Variants in MYO16 observed in about 807,000 individuals in gnomAD.
MYO16 encodes the protein myosin XVI, also known as unconventional myosin-XVI.
A neutral mutation model predicts 205.3 loss-of-function variants in MYO16; 94 were observed. That is an observed-to-expected ratio of 0.46 (90% CI 0.39 to 0.54). The LOEUF (loss-of-function observed/expected upper bound fraction) is 0.54, where lower values mean the gene tolerates loss of function less well. Among genes scored for constraint, MYO16 ranks in the 20% least tolerant of loss-of-function variants. The pLI, the probability that MYO16 is intolerant of heterozygous loss-of-function variation, is 0.00. For missense variants in MYO16, 2,315 were observed against 2,387.5 expected (o/e 0.97, Z 0.63); for synonymous variants, 988 against 954.0 (o/e 1.04, Z -0.66).
intron 16 of MYO16, among the ~76,000 whole-genome samples, chr13:108,933,031 G>C (rs1472086372): frequency 1.3e-5 from 2 of 152,092 alleles, no homozygotes; most frequent in African/African-American, 2.4e-5. Flanking sequence ...ACAGAGAAAG[G>C]CATCAGGGGG....
intron 28 of MYO16, among the ~76,000 whole-genome samples, chr13:109,103,011 A>G (rs1413133241): frequency 6.6e-6 from 1 of 152,184 alleles, no homozygotes; most frequent in Non-Finnish European, 1.5e-5. Flanking sequence ...CAGAAAAGAC[A>G]GTATTTCTTC....
the MYO16 span, among the ~76,000 whole-genome samples, chr13:108,577,819 T>A: frequency 6.6e-6 from 1 of 152,216 alleles, no homozygotes; most frequent in Non-Finnish European, 1.5e-5. Flanking sequence ...AAGAAAACTA[T>A]GTATCCATAT....
chr13:108,831,513 A>G (rs1876620494), intron 9 of MYO16, among the ~76,000 whole-genome samples: 1 of 152,046 alleles, frequency 6.6e-6, no homozygotes, highest in African/African-American at 2.4e-5. Context: ...AAAAAATGAA[A>G]GTTACTTTCT....
intron 11 of MYO16, 99 bp downstream of exon 11, chr13:108,855,652 G>A: frequency 1.3e-6 from 1 of 784,460 alleles, no homozygotes; most frequent in East Asian, 2.7e-5. Flanking sequence ...GGGCTCATTG[G>A]AGCTTCTGGT....
chr13:108,604,383 C>T (rs1878875292), intron 1 of MYO16, among the ~76,000 whole-genome samples: 1 of 152,014 alleles, frequency 6.6e-6, no homozygotes, highest in Non-Finnish European at 1.5e-5. Flanking sequence ...GACTAAAATA[C>T]TGAATGTAGT....
chr13:108,555,881 C>A, the MYO16 span, among the ~76,000 whole-genome samples: 1 of 152,204 alleles, frequency 6.6e-6, no homozygotes, highest in South Asian at 2.1e-4. Flanking sequence ...ATTTCACTTA[C>A]CATAATGTGG....
intron 1 of MYO16, among the ~76,000 whole-genome samples, chr13:108,640,571 A>G (rs1880461125): frequency 1.3e-5 from 2 of 152,210 alleles, no homozygotes; most frequent in Admixed American, 1.3e-4. Context: ...AGTAGGTCAC[A>G]TGTGCTGATA....
chr13:108,586,561 G>C, the MYO16 span, among the ~76,000 whole-genome samples: 1 of 152,188 alleles, frequency 6.6e-6, no homozygotes, highest in African/African-American at 2.4e-5. Flanking sequence ...GCAGGTCACT[G>C]CAGGGCAGAT....
Position 109,019,704 on chromosome 13 carries a change from C to A in MYO16, c.2596-7C>A, listed in dbSNP as rs745382812. 2 of 1,609,522 alleles carry A rather than the reference C, an allele frequency of 1.2e-6. No individual in the cohort carries two copies. The highest frequency in any genetic ancestry group is 3.3e-5 in the Admixed American group (2 of 59,816). Reference sequence around the variant, plus strand: ...AAAACAACTCCCCATCTCTTCTTAACTCTCAGAAGCCATCTGGATTTCTCA... The same window carrying A: ...AAAACAACTCCCCATCTCTTCTTAAATCTCAGAAGCCATCTGGATTTCTCA... On this transcript the variant is annotated splice_region_variant and splice_polypyrimidine_tract_variant and intron_variant, in intron 22 of 34. Transcript: ENST00000457511.
intron 4 of MYO16, among the ~76,000 whole-genome samples, chr13:108,762,905 G>A (rs1885656884): frequency 6.6e-6 from 1 of 151,986 alleles, no homozygotes; most frequent in South Asian, 2.1e-4. Context: ...CCCCATGGCA[G>A]TCAAATTTAC....
intron 3 of MYO16, among the ~76,000 whole-genome samples, chr13:108,722,569 A>T (rs1207311072): frequency 6.6e-6 from 1 of 152,214 alleles, no homozygotes; most frequent in Non-Finnish European, 1.5e-5. Flanking sequence ...TCCAAGCTTC[A>T]GGTATCTGAA....
intron 1 of MYO16, among the ~76,000 whole-genome samples, chr13:108,600,392 C>G (rs986997487): frequency 4.6e-5 from 7 of 152,150 alleles, no homozygotes; most frequent in Admixed American, 6.6e-5. Context: ...TGAAATAACA[C>G]AATGCATCAA....
chr13:108,943,347 C>A (rs868469737), intron 16 of MYO16, among the ~76,000 whole-genome samples: 2 of 152,118 alleles, frequency 1.3e-5, no homozygotes, highest in Non-Finnish European at 2.9e-5. Context: ...TTCATTAGAC[C>A]CTACGACGAG....
the MYO16 span, among the ~76,000 whole-genome samples, chr13:108,499,557 T>C: frequency 1.3e-5 from 2 of 152,212 alleles, no homozygotes; most frequent in Admixed American, 6.5e-5. Flanking sequence ...TTCCCACTTA[T>C]ATAGGAATCT....
intron 31 of MYO16, among the ~76,000 whole-genome samples, chr13:109,131,653 G>C (rs897183266): frequency 3.3e-5 from 5 of 152,174 alleles, no homozygotes; most frequent in Non-Finnish European, 7.4e-5. Flanking sequence ...TTAGGTCAGT[G>C]CAAAAGGAAT....
intron 27 of MYO16, among the ~76,000 whole-genome samples, chr13:109,095,839 C>T (rs1013773083): frequency 6.6e-6 from 1 of 152,210 alleles, no homozygotes; most frequent in Non-Finnish European, 1.5e-5. Context: ...AGCCTGCAGG[C>T]ACCGAAGGCC....
At chr13:108,563,088 A>G in the MYO16 span, among the ~76,000 whole-genome samples, 3 of 152,234 alleles carry the variant, frequency 2.0e-5, no homozygotes, top group Non-Finnish European at 4.4e-5. Context: ...TTTCATTGGC[A>G]TGGACCAGAT....
At chr13:109,018,631 A>T (rs1411769291) in intron 22 of MYO16, among the ~76,000 whole-genome samples, 3 of 152,204 alleles carry the variant, frequency 2.0e-5, no homozygotes, top group African/African-American at 7.2e-5. Flanking sequence ...TGAGCGAAGC[A>T]TGGGATATAA....
At chr13:108,700,839 G>A (rs1748639304) in intron 2 of MYO16, among the ~76,000 whole-genome samples, 1 of 152,146 alleles carries the variant, frequency 6.6e-6, no homozygotes, top group Non-Finnish European at 1.5e-5. Context: ...AGAAGGCTAT[G>A]CACATGTTCA....
Sources: gnomAD v4.1 joint callset for allele counts (sites outside exome capture counted in the v4.1 genomes callset) on GRCh38, gnomAD v4.1.1 for gene constraint, MANE v1.5 for transcripts, NCBI Gene and HGNC (gene_info 2026-07-23, HGNC 2026-07-21) for gene names.